COMMD1: variants seen among roughly 807,000 people sequenced by gnomAD.
COMMD1 encodes the protein copper metabolism domain containing 1.
Under a neutral mutation model 17.2 loss-of-function variants are expected in COMMD1, and 10 were observed. That is an observed-to-expected ratio of 0.58 (90% CI 0.36 to 0.99). The LOEUF is 0.99. COMMD1 is among the 50% of genes least tolerant of loss of function. COMMD1 has a pLI of 0.01. For missense variants in COMMD1, 270 were observed against 231.8 expected (o/e 1.17, Z -1.07); for synonymous variants, 97 against 91.6 (o/e 1.06, Z -0.34).
chr2:62,117,901 C>T (rs189748409), intron 2 of COMMD1, among the ~76,000 whole-genome samples: 2 of 152,212 alleles, frequency 1.3e-5, no homozygotes, highest in Middle Eastern at 3.4e-3. Flanking sequence ...CCGCACTCCC[C>T]GCCCCCAACT....
intron 2 of COMMD1, among the ~76,000 whole-genome samples, chr2:62,039,260 T>C (rs2103891105): frequency 6.6e-6 from 1 of 152,362 alleles, no homozygotes; most frequent in East Asian, 1.9e-4. Context: ...AAGGAAACCA[T>C]TCCTAGCTTG....
intron 2 of COMMD1, among the ~76,000 whole-genome samples, chr2:62,092,464 C>T (rs576108457): frequency 6.6e-6 from 1 of 152,218 alleles, no homozygotes; most frequent in East Asian, 1.9e-4. Flanking sequence ...CAGGGGCGGT[C>T]AGGAAAGTGG....
At chr2:62,066,821 G>A (rs979313106) in intron 2 of COMMD1, among the ~76,000 whole-genome samples, 7 of 151,884 alleles carry the variant, frequency 4.6e-5, no homozygotes, top group Non-Finnish European at 7.4e-5. Context: ...CACCTCCTGG[G>A]TTCTAGCAGT....
chr2:62,041,288 TTAA>T (rs1374209179), intron 2 of COMMD1, among the ~76,000 whole-genome samples: 3 of 152,238 alleles, frequency 2.0e-5, no homozygotes, highest in Admixed American at 6.5e-5. Context: ...TCTTGATTTG[TTAA>T]TAATGAAAAC....
At chr2:62,061,508 T>C (rs1255519598) in intron 2 of COMMD1, among the ~76,000 whole-genome samples, 2 of 152,084 alleles carry the variant, frequency 1.3e-5, no homozygotes, top group African/African-American at 4.8e-5. Flanking sequence ...TCAGTAGAGT[T>C]TATATGCAGA....
At chr2:62,001,033 A>G (rs373777965) in intron 2 of COMMD1, 51 bp downstream of exon 2, 4 of 1,531,268 alleles carry the variant, frequency 2.6e-6, no homozygotes, top group Middle Eastern at 1.9e-4. Context: ...TTTTCACTAC[A>G]TGTTAGCTTG....
rs537201206 is a variant in COMMD1, at chr2:62,077,902, T to C, written c.463-57929T>C. On this transcript the variant is annotated intron_variant, in intron 2 of 2. Transcript: ENST00000311832. ...GTGGGGCTTCCAGCTTATAGGTAGA[T>C]TTAAAATTCTTCTGTTTGACAATTG... Among the ~76,000 whole-genome samples, 13 of 152,184 alleles carry C rather than the reference T, an allele frequency of 8.5e-5. No homozygotes were observed. In the South Asian group the frequency reaches 1.7e-3, roughly 19 times the overall value.
At chr2:62,011,754 C>T (rs1042546111) in intron 2 of COMMD1, among the ~76,000 whole-genome samples, 2 of 151,900 alleles carry the variant, frequency 1.3e-5, no homozygotes, top group African/African-American at 4.8e-5. Context: ...AGAGCCTTAC[C>T]AAAGCTCAAA....
chr2:61,909,218 G>A (rs951190968), intron 1 of COMMD1, among the ~76,000 whole-genome samples: 2 of 152,124 alleles, frequency 1.3e-5, no homozygotes, highest in Non-Finnish European at 2.9e-5. Context: ...GAGCCACCGC[G>A]CCTGGCACAA....
At position 61,890,209 on chromosome 2, in the gene COMMD1, T is replaced by G. The variant is rs183910496; in HGVS notation, n.119+1367T>G. ...TTGTAATTATGAGGTGGTGGTGGTGTTGTTTGTTTGTTTGTTTTTGTTTGT... is the reference window on the plus strand; with the variant it reads ...TTGTAATTATGAGGTGGTGGTGGTGGTGTTTGTTTGTTTGTTTTTGTTTGT... On this transcript the variant is annotated intron_variant and non_coding_transcript_variant, in intron 1 of 2. Coordinates refer to the COMMD1 transcript ENST00000472729. Among the ~76,000 whole-genome samples, 1,252 of 151,648 alleles carry G rather than the reference T, an allele frequency of 8.3e-3. 17 individuals carry two copies. Among genetic ancestry groups the G allele is most frequent in the African/African-American group, 0.028 (1,139 of 41,158 alleles).
chr2:61,944,446 G>A (rs1043746189), intron 1 of COMMD1, among the ~76,000 whole-genome samples: 16 of 151,614 alleles, frequency 1.1e-4, no homozygotes, highest in Non-Finnish European at 1.9e-4. Flanking sequence ...GCAAGACTCT[G>A]TCTCAAAAAA....
chr2:62,104,633 CAAAAAA>C (rs35679940), intron 2 of COMMD1, among the ~76,000 whole-genome samples: 1 of 76,750 alleles, frequency 1.3e-5, no homozygotes, highest in African/African-American at 5.1e-5. Context: ...GACTCCGTCT[CAAAAAA>C]AAAAAAAAAA....
At chr2:61,924,884 C>A (rs1459808527) in intron 1 of COMMD1, among the ~76,000 whole-genome samples, 9 of 152,158 alleles carry the variant, frequency 5.9e-5, no homozygotes, top group Non-Finnish European at 1.3e-4. Context: ...GTCCCCTTTC[C>A]CGTGGAACTT....
At chr2:62,018,434 T>C (rs1161647791) in intron 2 of COMMD1, among the ~76,000 whole-genome samples, 1 of 152,242 alleles carries the variant, frequency 6.6e-6, no homozygotes. Flanking sequence ...TTTCCATTAA[T>C]ATTCCCTTTC....
chr2:62,041,952 T>C (rs1670221012), intron 2 of COMMD1, among the ~76,000 whole-genome samples: 2 of 152,230 alleles, frequency 1.3e-5, no homozygotes, highest in Admixed American at 6.5e-5. Context: ...TTCCACACTG[T>C]GGAAGAGGAC....
At chr2:62,073,005 G>T (rs1671241920) in intron 2 of COMMD1, among the ~76,000 whole-genome samples, 1 of 152,218 alleles carries the variant, frequency 6.6e-6, no homozygotes, top group African/African-American at 2.4e-5. Flanking sequence ...GGCCGAGTGG[G>T]GAAAGCAAGC....
intron 1 of COMMD1, among the ~76,000 whole-genome samples, chr2:61,965,243 GT>G (rs1257833205): frequency 6.6e-6 from 1 of 152,056 alleles, no homozygotes; most frequent in Non-Finnish European, 1.5e-5. Flanking sequence ...CTGTGATCAG[GT>G]TTTAATATGG....
At chr2:62,113,573 G>A (rs1447128795) in intron 2 of COMMD1, among the ~76,000 whole-genome samples, 2 of 152,002 alleles carry the variant, frequency 1.3e-5, no homozygotes, top group African/African-American at 2.4e-5. Context: ...TAGTAGAGAC[G>A]GGGTTTCACC....
intron 2 of COMMD1, among the ~76,000 whole-genome samples, chr2:62,094,970 G>A (rs1414970254): frequency 6.6e-6 from 1 of 152,116 alleles, no homozygotes; most frequent in Admixed American, 6.5e-5. Context: ...CTTTTGGATT[G>A]TTTAGAGATT....
Sources: allele counts gnomAD v4.1 joint callset (sites outside exome capture counted in the v4.1 genomes callset), GRCh38; gene constraint gnomAD v4.1.1; transcripts MANE v1.5; gene names NCBI Gene and HGNC (gene_info 2026-07-23, HGNC 2026-07-21).